Variants in CARD14 observed in about 807,000 individuals in gnomAD.
The protein encoded by CARD14 is caspase recruitment domain-containing protein 14.
In CARD14, 107 loss-of-function variants were observed where a neutral mutation model predicts 111.5. That is an observed-to-expected ratio of 0.96 (90% CI 0.82 to 1.13). The LOEUF (loss-of-function observed/expected upper bound fraction) is 1.13, where lower values mean the gene tolerates loss of function less well. Ranked by LOEUF, CARD14 falls within the 50% of genes most tolerant of loss-of-function variation. CARD14 has a pLI of 0.00. For missense variants in CARD14, 1,322 were observed against 1,362.3 expected (o/e 0.97, Z 0.47); for synonymous variants, 617 against 579.6 (o/e 1.06, Z -0.93).
chr17:80,191,496 G>A, intron 11 of CARD14, 24 bp downstream of exon 11: 1 of 1,602,192 alleles, frequency 6.2e-7, no homozygotes, highest in Non-Finnish European at 8.5e-7. Context: ...GCTGACCCGA[G>A]CTGGAGGCCA....
intron 17 of CARD14, 72 bp from the exon 18 acceptor site, chr17:80,202,102 CTACTTT>C: frequency 1.5e-6 from 2 of 1,366,850 alleles, no homozygotes; most frequent in Admixed American, 3.6e-5. Flanking sequence ...TCCTTCTCTC[CTACTTT>C]AATTTTCTGC....
intron 21 of CARD14, 82 bp from the exon 22 acceptor site, chr17:80,205,449 G>A (rs1035635345): frequency 4.6e-6 from 7 of 1,525,948 alleles, no homozygotes; most frequent in Non-Finnish European, 6.2e-6. Flanking sequence ...CAGGGTTCAC[G>A]GGGACAGGGG....
Position 80,192,618 on chromosome 17 carries a change from A to G in CARD14, c.1355A>G (p.Glu452Gly), listed in dbSNP as rs1598659616. Reference sequence around the variant, plus strand: ...GACTGCAGCCTCGTCAGCTCCACAGAGGTACGGCCGCTCCTCCCGCCTCCC... The same window carrying G: ...GACTGCAGCCTCGTCAGCTCCACAGGGGTACGGCCGCTCCTCCCGCCTCCC... ...DSDCSLVSST[E>G]SQLLSDLSAT... is the part of the protein sequence containing the mutation. The change falls in exon 12 of 24, where the codon GAG becomes GGG. Residue 452 changes from glutamate to glycine, a missense_variant and splice_region_variant. Coordinates refer to ENST00000648509, the MANE Select transcript of CARD14 (RefSeq NM_001366385.1). The G allele has an allele frequency of 6.2e-7, 1 of 1,609,336 alleles. No individual in the cohort carries two copies. The highest frequency in any genetic ancestry group is 2.2e-5 in the East Asian group (1 of 44,800).
In CARD14 at chr17:80,202,348, G is replaced by A. The variant is rs1159899246; in HGVS notation, c.2147G>A (p.Trp716Ter). 2.5e-6 allele frequency: 4 copies of A among 1,613,494 alleles called. No homozygotes were observed. In the South Asian group the frequency reaches 4.4e-5, roughly 18 times the overall value. The change falls in exon 18 of 24, where the codon TGG (tryptophan) becomes TAG (stop). Residue 716 changes from tryptophan to a stop codon, truncating the protein, a stop_gained. Transcript: ENST00000648509. LOFTEE classifies it high-confidence loss of function. Reference protein sequence around the residue: ...TDTMFQGCGCWHAHRVNSYTM... With the variant: ...TDTMFQGCGC Reference sequence around the variant, plus strand: ...ACCATGTTCCAGGGCTGCGGCTGCTGGCATGCCCACCGCGTGAACTCTTAC... The same window carrying A: ...ACCATGTTCCAGGGCTGCGGCTGCTAGCATGCCCACCGCGTGAACTCTTAC...
At chr17:80,205,946 G>A (rs923651846) in intron 22 of CARD14, 11 of 270,602 alleles carry the variant, frequency 4.1e-5, no homozygotes, top group Non-Finnish European at 6.2e-5. Context: ...CACTCTCCAC[G>A]TTTGAAGGCG....
intron 7 of CARD14, chr17:80,187,779 C>T (rs2040394475): frequency 1.2e-5 from 12 of 985,322 alleles, no homozygotes; most frequent in Admixed American, 6.2e-5. Flanking sequence ...GGCTCGAGCT[C>T]CAAGTTTCTC....
chr17:80,202,220 G>T lies in CARD14; in HGVS notation c.2019G>T (p.Ala673=), dbSNP rs1024202736. 21 of 1,613,956 alleles carry T rather than the reference G, an allele frequency of 1.3e-5. No homozygotes were observed. The highest frequency in any genetic ancestry group is 1.4e-5 in the Non-Finnish European group (17 of 1,180,022). Residue 673 remains alanine, a synonymous_variant, in exon 18 of 24, where the codon GCG becomes GCT. Coordinates refer to ENST00000648509, the MANE Select transcript of CARD14 (RefSeq NM_001366385.1). ...RLLQDLEAKV[A]TSGDSFYIRV... ...TCCAGGACCTGGAGGCCAAAGTGGC[G>T]ACCTCGGGGGACTCATTCTACATCC...
chr17:80,185,596 C>T (rs1056874735), intron 7 of CARD14, among the ~76,000 whole-genome samples: 35 of 152,254 alleles, frequency 2.3e-4, no homozygotes, highest in East Asian at 1.5e-3. Context: ...TTGGTATGGA[C>T]GCCCTGTTTT....
chr17:80,174,933 C>T (rs1037410429), intron 2 of CARD14, among the ~76,000 whole-genome samples: 2 of 152,190 alleles, frequency 1.3e-5, no homozygotes, highest in African/African-American at 4.8e-5. Flanking sequence ...CTTGGCAGCA[C>T]TCCTTTGGTT....
At chr17:80,183,843 C>T in intron 6 of CARD14, 70 bp from the exon 7 acceptor site, 1 of 1,325,548 alleles carries the variant, frequency 7.5e-7, no homozygotes, top group Non-Finnish European at 1.0e-6. Context: ...TGCTCACCTG[C>T]TCACCTACCC....
In CARD14 at chr17:80,208,198, G is replaced by C; in HGVS notation, c.2868G>C (p.Glu956Asp). 6.4e-7 allele frequency: 1 copy of C among 1,554,250 alleles called. No individual in the cohort carries two copies. Among genetic ancestry groups the C allele is most frequent in the Non-Finnish European group, 8.7e-7 (1 of 1,148,834 alleles). Residue 956 changes from glutamate to aspartate, a missense_variant, in exon 24 of 24, where the codon GAG becomes GAC. Coordinates refer to ENST00000648509, the MANE Select transcript of CARD14 (RefSeq NM_001366385.1). ...AGCTCCTGGAGGCTGCGAGGCAGGAGGAGGGAGACCTGGACCGGGCGCCCT... is the reference window on the plus strand; with the variant it reads ...AGCTCCTGGAGGCTGCGAGGCAGGACGAGGGAGACCTGGACCGGGCGCCCT... ...EEQLLEAARQ[E>D]EGDLDRAPCL...
intron 18 of CARD14, 177 bp downstream of exon 18, chr17:80,202,597 C>T (rs1598698403): frequency 7.0e-7 from 1 of 1,430,556 alleles, no homozygotes; most frequent in Non-Finnish European, 9.1e-7. Context: ...GTGATGGATG[C>T]TTTATATATT....
chr17:80,207,085 A>C lies in CARD14; in HGVS notation c.2807A>C (p.Lys936Thr). 6.8e-6 allele frequency: 11 copies of C among 1,610,822 alleles called. No homozygotes were observed. The highest frequency in any genetic ancestry group is 9.3e-6 in the Non-Finnish European group (11 of 1,177,328). The stretch of plus-strand genomic sequence containing the variant: ...AACGAGAAGATGGCAAAGAAGCTCA[A>C]GTAGGTGCACGCTGGGGGCTGGGCA... ...SVNEKMAKKLKKGLQRLGTSE... is the reference protein window; with the variant it reads ...SVNEKMAKKLTKGLQRLGTSE... Residue 936 changes from lysine (K) to threonine (T), a missense_variant and splice_region_variant, in exon 23 of 24, where the codon AAG (lysine) becomes ACG (threonine). Lys to Thr is a moderately conservative substitution (Grantham distance 78). Coordinates refer to ENST00000648509, the MANE Select transcript of CARD14 (RefSeq NM_001366385.1).
chr17:80,206,789 A>C, intron 22 of CARD14, 181 bp from the exon 23 acceptor site: 1 of 412,444 alleles, frequency 2.4e-6, no homozygotes, highest in Non-Finnish European at 4.3e-6. Flanking sequence ...AATAAAAATA[A>C]AAAAAAGAGA....
chr17:80,170,224 A>C (rs1429948028), intron 1 of CARD14, 168 bp downstream of exon 1: 1 of 152,152 alleles, frequency 6.6e-6, no homozygotes, highest in Non-Finnish European at 1.5e-5. Flanking sequence ...TTGTATGTGG[A>C]CTAGAGAACA....
intron 2 of CARD14, 96 bp downstream of exon 2, chr17:80,173,324 A>ACG (rs72343313): frequency 0.029 from 3,230 of 111,992 alleles, 136 homozygotes; most frequent in East Asian, 0.15. Context: ...ACACACACAC[A>ACG]CGCGCGCGCG....
At chr17:80,205,305 C>A in intron 21 of CARD14, 100 bp downstream of exon 21, 2 of 1,200,716 alleles carry the variant, frequency 1.7e-6, no homozygotes, top group Non-Finnish European at 2.3e-6. Flanking sequence ...CTCCTTCCCT[C>A]CCCCACCACG....
chr17:80,176,006 T>G (rs2040018184), intron 2 of CARD14, among the ~76,000 whole-genome samples: 1 of 128,128 alleles, frequency 7.8e-6, no homozygotes, highest in Non-Finnish European at 1.6e-5. Flanking sequence ...AACGGGATCG[T>G]GCTATGTTGC....
Position 80,182,266 on chromosome 17 carries a change from C to A in CARD14, c.212-387C>A, listed in dbSNP as rs1598635841. Among the ~76,000 whole-genome samples the A allele has an allele frequency of 6.6e-6, 1 of 152,214 alleles. No homozygotes were observed. The highest frequency in any genetic ancestry group is 1.5e-5 in the Non-Finnish European group (1 of 68,032). On this transcript the variant is annotated intron_variant, in intron 5 of 23. Transcript: ENST00000648509. The surrounding 1 kb of genome is among the most constrained non-coding windows in gnomAD (Gnocchi z 4.7). ...GTGCCACTCTGCTTTCTGTGCGCAG[C>A]TCCAAAGCTGACAGCACCGTGGTGG...
Sources: allele counts gnomAD v4.1 joint callset (sites outside exome capture counted in the v4.1 genomes callset), GRCh38; gene constraint gnomAD v4.1.1; non-coding constraint Gnocchi (gnomAD v3.1); transcripts MANE v1.5; gene names NCBI Gene and HGNC (gene_info 2026-07-23, HGNC 2026-07-21).